Variants in KLHL10 observed in about 807,000 individuals in gnomAD.
The protein encoded by KLHL10 is kelch like family member 10, also known as kelch-like protein 10.
Under a neutral mutation model 46.6 loss-of-function variants are expected in KLHL10, and 11 were observed. That is an observed-to-expected ratio of 0.24 (90% confidence interval 0.15 to 0.39). The LOEUF (loss-of-function observed/expected upper bound fraction) is 0.39, where lower values mean the gene tolerates loss of function less well. Among genes scored for constraint, KLHL10 ranks in the 10% least tolerant of loss-of-function variants. KLHL10 has a pLI of 1.00. For missense variants in KLHL10, 475 were observed against 789.8 expected, an observed-to-expected ratio of 0.60 and a Z score of 4.78; for synonymous variants, 254 against 279.1, an observed-to-expected ratio of 0.91 and a Z score of 0.90.
At chr17:41,847,222 A>G (rs782166611) in intron 3 of KLHL10, 39 bp from the exon 4 acceptor site, 2 of 1,596,744 alleles carry the variant, frequency 1.3e-6, no homozygotes, top group Admixed American at 1.7e-5. Context: ...TCTACTCCCT[A>G]GAGTGGGAAT....
intron 1 of KLHL10, among the ~76,000 whole-genome samples, chr17:41,840,886 C>G (rs1272953221): frequency 6.6e-6 from 1 of 152,050 alleles, no homozygotes; most frequent in Non-Finnish European, 1.5e-5. Flanking sequence ...GAGGCCGAGG[C>G]AGGCAGATCA....
rs2048299419 is a variant in KLHL10 at position 41,847,309 on chromosome 17, G to C, written c.1351G>C (p.Glu451Gln). ...FNGNECLFTA[E>Q]VYNTESNQWT... ...TGGAAACGAGTGCCTGTTCACAGCA[G>C]AAGTGTATAACACTGAAAGTAATCA... Residue 451 changes from glutamate (E) to glutamine (Q), a missense_variant, in exon 4 of 5, where the codon GAA becomes CAA. Coordinates refer to ENST00000293303, the MANE Select transcript of KLHL10 (RefSeq NM_152467.5). 2 of 1,613,898 alleles carry C rather than the reference G, an allele frequency of 1.2e-6. No homozygotes were observed. The highest frequency in any genetic ancestry group is 1.3e-5 in the African/African-American group (1 of 74,888).
intron 2 of KLHL10, among the ~76,000 whole-genome samples, chr17:41,843,801 G>A (rs1194704220): frequency 6.6e-6 from 1 of 151,920 alleles, no homozygotes; most frequent in African/African-American, 2.4e-5. Context: ...TCTCACTGTT[G>A]CCCAGGCTGG....
intron 2 of KLHL10, among the ~76,000 whole-genome samples, chr17:41,843,127 A>C (rs74982362): frequency 9.2e-6 from 1 of 108,316 alleles, no homozygotes; most frequent in East Asian, 3.0e-4. Context: ...CCCTGTCTCA[A>C]AAAAAAAAAA....
At chr17:41,840,709 C>T (rs991982819) in intron 1 of KLHL10, among the ~76,000 whole-genome samples, 3 of 151,748 alleles carry the variant, frequency 2.0e-5, no homozygotes. Flanking sequence ...AATTTGTGGG[C>T]AGCATGAAAA....
chr17:41,839,920 C>T (rs4514730), intron 1 of KLHL10, among the ~76,000 whole-genome samples: 112,899 of 149,602 alleles, frequency 0.75, 42,769 homozygotes, highest in Admixed American at 0.84. Context: ...GTTCTTGTCA[C>T]CCAGGCTGGA....
chr17:41,835,889 G>A (rs782020992), upstream of KLHL10: 19 of 1,609,192 alleles, frequency 1.2e-5, no homozygotes, highest in Non-Finnish European at 1.4e-5. Context: ...CCTTGCGGAG[G>A]GCGCCCACGA....
chr17:41,838,278 T>A (rs1263348994), intron 1 of KLHL10, 152 bp downstream of exon 1: 15 of 663,728 alleles, frequency 2.3e-5, no homozygotes, highest in Non-Finnish European at 3.6e-5. Context: ...ATTTTTTTTT[T>A]AGAGATAAGC....
upstream of KLHL10, chr17:41,835,839 C>A (rs782634744): frequency 6.3e-7 from 1 of 1,594,426 alleles, no homozygotes; most frequent in East Asian, 2.3e-5. Context: ...CCGGCCGGCC[C>A]CCGCACGCCC....
chr17:41,843,485 C>G (rs1252459704), intron 2 of KLHL10, among the ~76,000 whole-genome samples: 3 of 145,328 alleles, frequency 2.1e-5, no homozygotes, highest in Admixed American at 7.1e-5. Context: ...AGCTGGGCGA[C>G]AGAGAGAGAC....
intron 2 of KLHL10, among the ~76,000 whole-genome samples, chr17:41,843,951 C>T (rs1008412821): frequency 2.7e-5 from 4 of 150,624 alleles, no homozygotes; most frequent in African/African-American, 4.9e-5. Context: ...TTAGTAGAGA[C>T]GGGGTTTCAC....
At chr17:41,845,907 T>G in intron 3 of KLHL10, 164 bp downstream of exon 3, 2 of 951,404 alleles carry the variant, frequency 2.1e-6, no homozygotes, top group East Asian at 5.2e-5. Context: ...GTCTTTTATG[T>G]TGTTTATTGA....
intron 2 of KLHL10, among the ~76,000 whole-genome samples, chr17:41,843,457 A>G (rs2048247637): frequency 6.6e-6 from 1 of 151,660 alleles, no homozygotes; most frequent in Admixed American, 6.6e-5. Context: ...GTGAGCCCAG[A>G]TCGCACCATT....
chr17:41,836,084 T>G (rs534969454), upstream of KLHL10: 323 of 1,356,506 alleles, frequency 2.4e-4, no homozygotes, highest in Admixed American at 4.1e-4. Context: ...CTGGCCTGGG[T>G]GAAGCGGCGG....
chr17:41,838,012 A>C lies in KLHL10; in HGVS notation c.80A>C (p.Glu27Ala). Residue 27 changes from glutamate (E) to alanine (A), a missense_variant, in exon 1 of 5, where the codon GAG becomes GCG. By Grantham distance (107) the Glu-to-Ala change is moderately radical. Coordinates refer to ENST00000293303, the MANE Select transcript of KLHL10 (RefSeq NM_152467.5). Reference protein sequence around the residue: ...MERKMSAMACEIFNELRLEGK... With the variant: ...MERKMSAMACAIFNELRLEGK... ...AGGAAGATGAGTGCGATGGCCTGTG[A>C]GATCTTCAACGAGCTTAGACTAGAG... is the stretch of plus-strand genomic sequence containing the variant. 2 of 1,614,118 alleles carry C rather than the reference A, an allele frequency of 1.2e-6. No individual in the cohort carries two copies. Among genetic ancestry groups the C allele is most frequent in the Non-Finnish European group, 1.7e-6 (2 of 1,180,020 alleles).
At chr17:41,838,835 C>A (rs2048197752) in intron 1 of KLHL10, among the ~76,000 whole-genome samples, 1 of 151,522 alleles carries the variant, frequency 6.6e-6, no homozygotes, top group African/African-American at 2.4e-5. Flanking sequence ...ATTACAGGCG[C>A]CTGACACCAC....
upstream of KLHL10, chr17:41,835,950 G>A (rs782555627): frequency 9.4e-6 from 15 of 1,588,556 alleles, no homozygotes; most frequent in Non-Finnish European, 1.2e-5. Context: ...CTTCATCAGG[G>A]TGCTCACCTG....
At chr17:41,844,705 C>T (rs373043264) in intron 2 of KLHL10, among the ~76,000 whole-genome samples, 1 of 152,038 alleles carries the variant, frequency 6.6e-6, no homozygotes, top group African/African-American at 2.4e-5. Context: ...CGTGCCACCA[C>T]ACTCAGCTAA....
At chr17:41,842,958 T>G (rs1248061677) in intron 2 of KLHL10, among the ~76,000 whole-genome samples, 1 of 148,432 alleles carries the variant, frequency 6.7e-6, no homozygotes, top group Admixed American at 6.7e-5. Flanking sequence ...GAAAAAAAAA[T>G]TATAAAATTT....
Sources: gnomAD v4.1 joint callset for allele counts (sites outside exome capture counted in the v4.1 genomes callset) on GRCh38, gnomAD v4.1.1 for gene constraint, MANE v1.5 for transcripts, NCBI Gene and HGNC (gene_info 2026-07-23, HGNC 2026-07-21) for gene names.